Variants in DPP10 observed in about 807,000 individuals in gnomAD.
The protein encoded by DPP10 is inactive dipeptidyl peptidase 10.
Under a neutral mutation model 120.9 loss-of-function variants are expected in DPP10, and 33 were observed. That is an observed-to-expected ratio of 0.27 (90% CI 0.21 to 0.37). The LOEUF (loss-of-function observed/expected upper bound fraction) is 0.37, where lower values mean the gene tolerates loss of function less well. Ranked by LOEUF, DPP10 falls within the 10% of genes least tolerant of loss-of-function variation. The pLI is 1.00. For synonymous variants in DPP10, 337 were observed against 326.1 expected (o/e 1.03, Z -0.36); for missense variants, 816 against 942.8 (o/e 0.87, Z 1.76).
At chr2:115,215,165 A>G (rs2056744211) in intron 1 of DPP10, among the ~76,000 whole-genome samples, 1 of 152,194 alleles carries the variant, frequency 6.6e-6, no homozygotes, top group Admixed American at 6.5e-5. Context: ...TTAGAACAAA[A>G]GTGTTGGCAT....
chr2:114,452,930 C>T (rs1678368670), intron 1 of DPP10, among the ~76,000 whole-genome samples: 1 of 151,894 alleles, frequency 6.6e-6, no homozygotes, highest in Admixed American at 6.6e-5. Flanking sequence ...AGAGTGGTTT[C>T]TTTCTTTGAG....
At chr2:114,501,271 T>C (rs925837235) in intron 1 of DPP10, among the ~76,000 whole-genome samples, 23 of 152,212 alleles carry the variant, frequency 1.5e-4, no homozygotes, top group Admixed American at 1.4e-3. Context: ...AGGGTTATTG[T>C]GGACATTAGA....
chr2:115,313,054 T>C (rs1488866601), intron 2 of DPP10, among the ~76,000 whole-genome samples: 3 of 152,042 alleles, frequency 2.0e-5, no homozygotes, highest in Non-Finnish European at 4.4e-5. Context: ...AAACCCCATA[T>C]CTACTAAAAA....
At chr2:114,689,531 CTGCAATGA>C in intron 1 of DPP10, among the ~76,000 whole-genome samples, 1 of 152,016 alleles carries the variant, frequency 6.6e-6, no homozygotes, top group Non-Finnish European at 1.5e-5. Context: ...GTGAATAGTG[CTGCAATGA>C]ACATATGTGT....
At chr2:115,567,041 G>A (rs1447779590) in intron 5 of DPP10, among the ~76,000 whole-genome samples, 1 of 151,924 alleles carries the variant, frequency 6.6e-6, no homozygotes, top group South Asian at 2.1e-4. Flanking sequence ...AAAGCAAACC[G>A]ACTCATTACA....
chr2:114,945,397 ACAAT>A (rs1021187709), intron 1 of DPP10, among the ~76,000 whole-genome samples: 4 of 152,250 alleles, frequency 2.6e-5, no homozygotes, highest in East Asian at 1.9e-4. Flanking sequence ...CAATAAGGAA[ACAAT>A]CAATTTTTTT....
intron 5 of DPP10, among the ~76,000 whole-genome samples, chr2:115,624,374 T>G (rs1461567633): frequency 6.6e-6 from 1 of 152,188 alleles, no homozygotes; most frequent in Non-Finnish European, 1.5e-5. Context: ...TTATCATAAT[T>G]CTTTGGCTAA....
At chr2:114,632,562 G>A (rs774100238) in intron 1 of DPP10, among the ~76,000 whole-genome samples, 10 of 141,300 alleles carry the variant, frequency 7.1e-5, no homozygotes, top group Non-Finnish European at 1.2e-4. Context: ...ACCCAGGCTG[G>A]AGTGTAGTGG....
intron 1 of DPP10, among the ~76,000 whole-genome samples, chr2:114,979,831 G>T (rs1239888376): frequency 2.0e-5 from 3 of 152,008 alleles, no homozygotes; most frequent in African/African-American, 7.2e-5. Flanking sequence ...ATTATGTAGA[G>T]TCCATGTTTA....
chr2:115,057,524 G>C (rs6714443), intron 1 of DPP10, among the ~76,000 whole-genome samples: 55,148 of 152,040 alleles, frequency 0.36, 10,488 homozygotes, highest in South Asian at 0.54. Context: ...AGGCTCAGTG[G>C]ATTGCTAAGA....
chr2:115,690,000 C>A (rs2091223965), intron 7 of DPP10, 79 bp downstream of exon 7: 2 of 1,429,814 alleles, frequency 1.4e-6, no homozygotes, highest in South Asian at 1.3e-5. Flanking sequence ...TTTGGAAAAA[C>A]CATAGGAAAA....
At chr2:115,435,026 A>G (rs1307911680) in intron 3 of DPP10, among the ~76,000 whole-genome samples, 1 of 144,544 alleles carries the variant, frequency 6.9e-6, no homozygotes, top group African/African-American at 2.6e-5. Flanking sequence ...TTTATGGCTG[A>G]CTAATATTTC....
chr2:114,799,480 G>A (rs1684005743), intron 1 of DPP10, among the ~76,000 whole-genome samples: 1 of 152,106 alleles, frequency 6.6e-6, no homozygotes, highest in Non-Finnish European at 1.5e-5. Context: ...AAAGCTTCAT[G>A]ATAATTCCAT....
intron 1 of DPP10, among the ~76,000 whole-genome samples, chr2:115,237,317 G>T (rs1033033871): frequency 6.6e-6 from 1 of 152,096 alleles, no homozygotes; most frequent in East Asian, 1.9e-4. Flanking sequence ...CTTTTGGAGT[G>T]CCATGAACCA....
intron 3 of DPP10, among the ~76,000 whole-genome samples, chr2:115,344,995 G>C (rs900898719): frequency 7.2e-5 from 11 of 152,254 alleles, no homozygotes; most frequent in Admixed American, 7.2e-4. Flanking sequence ...GCTATATAAA[G>C]AGAATGTAAT....
chr2:115,363,203 T>C (rs2064886619), intron 3 of DPP10, among the ~76,000 whole-genome samples: 1 of 152,232 alleles, frequency 6.6e-6, no homozygotes, highest in Non-Finnish European at 1.5e-5. Flanking sequence ...TTCTCTGGGT[T>C]TTCTACCATT....
chr2:115,635,950 A>G (rs1221263199), intron 5 of DPP10, among the ~76,000 whole-genome samples: 3 of 152,350 alleles, frequency 2.0e-5, no homozygotes, highest in East Asian at 3.9e-4. Context: ...ATCATTGCAC[A>G]TATTACTTGA....
intron 1 of DPP10, among the ~76,000 whole-genome samples, chr2:114,633,684 G>C (rs1424207210): frequency 1.3e-5 from 2 of 151,542 alleles, no homozygotes; most frequent in Non-Finnish European, 2.9e-5. Context: ...TGGGACCTTG[G>C]CTCACTGCAA....
intron 3 of DPP10, among the ~76,000 whole-genome samples, chr2:115,422,630 T>C (rs969871913): frequency 6.6e-6 from 1 of 152,210 alleles, no homozygotes; most frequent in African/African-American, 2.4e-5. Context: ...TCACATTTTA[T>C]ATTTCCAATT....
Sources: gnomAD v4.1 joint callset for allele counts (sites outside exome capture counted in the v4.1 genomes callset) on GRCh38, gnomAD v4.1.1 for gene constraint, MANE v1.5 for transcripts, NCBI Gene and HGNC (gene_info 2026-07-23, HGNC 2026-07-21) for gene names.